The following RNF130 variants were observed in gnomAD, a reference collection of about 807,000 sequenced individuals.
The protein encoded by RNF130 is E3 ubiquitin-protein ligase RNF130.
Under a neutral mutation model 44.6 loss-of-function variants are expected in RNF130, and 21 were observed. That is an observed-to-expected ratio of 0.47 (90% CI 0.33 to 0.68). RNF130 has a LOEUF of 0.68. RNF130 is among the 30% of genes least tolerant of loss of function. The probability of loss-of-function intolerance (pLI) is 0.02; values close to 1 mark genes in which losing one functional copy is unlikely to be tolerated. For missense variants in RNF130, 479 were observed against 560.6 expected, an observed-to-expected ratio of 0.85 and a Z score of 1.47; for synonymous variants, 214 against 210.4, an observed-to-expected ratio of 1.02 and a Z score of -0.15.
chr5:180,035,814 T>C (rs965610976), intron 2 of RNF130, among the ~76,000 whole-genome samples: 4 of 152,234 alleles, frequency 2.6e-5, no homozygotes, highest in African/African-American at 9.6e-5. Context: ...TTTCCAAAAT[T>C]GTACTCTCCA....
At chr5:180,031,446 C>T (rs1289209312) in intron 2 of RNF130, among the ~76,000 whole-genome samples, 2 of 152,084 alleles carry the variant, frequency 1.3e-5, no homozygotes, top group East Asian at 3.9e-4. Flanking sequence ...AAGATCACAC[C>T]ACTGCACTCC....
intron 3 of RNF130, among the ~76,000 whole-genome samples, chr5:179,999,848 T>C (rs1763293513): frequency 6.6e-6 from 1 of 152,274 alleles, no homozygotes; most frequent in South Asian, 2.1e-4. Flanking sequence ...TCTGCTTACA[T>C]TCAAGGTTAT....
intron 2 of RNF130, among the ~76,000 whole-genome samples, chr5:180,034,711 G>A (rs963282845): frequency 1.3e-5 from 2 of 152,162 alleles, no homozygotes; most frequent in African/African-American, 4.8e-5. Flanking sequence ...TGGGAACATG[G>A]GTTTGGGGAG....
At chr5:180,018,979 T>G (rs1763807012) in intron 2 of RNF130, among the ~76,000 whole-genome samples, 1 of 152,174 alleles carries the variant, frequency 6.6e-6, no homozygotes, top group South Asian at 2.1e-4. Context: ...AGGAGAGAGG[T>G]GGCTTTACCA....
Position 179,977,602 on chromosome 5 carries a change from C to T in RNF130, c.848+601G>A, listed in dbSNP as rs1436982116. Among the ~76,000 whole-genome samples, 1 of 152,160 alleles carries T rather than the reference C, an allele frequency of 6.6e-6. No homozygotes were observed. The highest frequency in any genetic ancestry group is 2.4e-5 in the African/African-American group (1 of 41,430). On this transcript the variant is annotated intron_variant, in intron 5 of 8. Coordinates refer to ENST00000521389, the MANE Select transcript of RNF130 (RefSeq NM_018434.6). The surrounding 1 kb of genome is among the most constrained non-coding windows in gnomAD (Gnocchi z 4.1). ...GTGCGGTGGCTCACGCCTGTAATCC[C>T]AGGACTTTGGGAGGCTGAGGCAGGC...
chr5:179,973,960 T>G (rs745359121), intron 5 of RNF130, among the ~76,000 whole-genome samples: 23 of 152,086 alleles, frequency 1.5e-4, no homozygotes, highest in Non-Finnish European at 2.5e-4. Context: ...CCAGCAATCA[T>G]GAAATTCAGC....
At chr5:179,998,386 A>G (rs937145262) in intron 3 of RNF130, among the ~76,000 whole-genome samples, 2 of 152,184 alleles carry the variant, frequency 1.3e-5, no homozygotes, top group Non-Finnish European at 2.9e-5. Context: ...TACAATTCCA[A>G]AAGTTTCTAT....
chr5:179,955,478 A>G lies in RNF130; in HGVS notation c.*176T>C. 1 of 541,438 alleles carries G rather than the reference A, an allele frequency of 1.8e-6. No homozygotes were observed. Among genetic ancestry groups the G allele is most frequent in the Non-Finnish European group, 3.2e-6 (1 of 310,034 alleles). 33.5% of individuals were successfully genotyped at this position (541,438 alleles called of 1,614,324 possible). On this transcript the variant is annotated 3_prime_UTR_variant, in exon 9 of 9. Transcript: ENST00000521389. ...TGGTTAATAAGACTCAACAGCACAG[A>G]CTTTTTATTTTATTATTTATTTCTT...
At chr5:179,926,995 G>A (rs1561659762) in intron 7 of RNF130, among the ~76,000 whole-genome samples, 1 of 152,334 alleles carries the variant, frequency 6.6e-6, no homozygotes, top group South Asian at 2.1e-4. Flanking sequence ...TGTTGGTCAC[G>A]GAAGTCTTCT....
At chr5:179,947,695 T>C (rs1394518577) in intron 7 of RNF130, among the ~76,000 whole-genome samples, 3 of 152,242 alleles carry the variant, frequency 2.0e-5, no homozygotes, top group Non-Finnish European at 2.9e-5. Flanking sequence ...GGACCTAGCA[T>C]GCAGTTAAGC....
chr5:179,989,610 C>T (rs1441524240), intron 3 of RNF130, among the ~76,000 whole-genome samples: 1 of 152,028 alleles, frequency 6.6e-6, no homozygotes, highest in Non-Finnish European at 1.5e-5. Context: ...TTTTTCTCTA[C>T]CCCTTCACTT....
At chr5:179,953,598 C>T (rs1453971848), downstream of RNF130, among the ~76,000 whole-genome samples, 1 of 152,132 alleles carries the variant, frequency 6.6e-6, no homozygotes, top group Non-Finnish European at 1.5e-5. Context: ...GGTAACACCC[C>T]TACCTTACAC....
intron 1 of RNF130, among the ~76,000 whole-genome samples, chr5:180,048,987 C>T (rs1304252860): frequency 6.6e-6 from 1 of 152,224 alleles, no homozygotes; most frequent in Non-Finnish European, 1.5e-5. Flanking sequence ...AAGCATGTGG[C>T]TGCATGGAAG....
At chr5:180,059,836 C>T (rs771156589) in intron 1 of RNF130, among the ~76,000 whole-genome samples, 3 of 152,162 alleles carry the variant, frequency 2.0e-5, no homozygotes, top group African/African-American at 2.4e-5. Context: ...GGCAGAACGA[C>T]GGCTCCCTCA....
At chr5:180,056,686 T>G (rs78282770) in intron 1 of RNF130, among the ~76,000 whole-genome samples, 1 of 152,138 alleles carries the variant, frequency 6.6e-6, no homozygotes, top group South Asian at 2.1e-4. Context: ...GACACTCAAA[T>G]GTATTCCCAA....
At chr5:179,916,208 A>G (rs184364039) in exon 8 of RNF130, 1 of 152,232 alleles carries the variant, frequency 6.6e-6, no homozygotes, top group East Asian at 1.9e-4. Flanking sequence ...GTTAACGGCG[A>G]GAGAACACTT....
At position 179,968,250 on chromosome 5, in the gene RNF130, G is replaced by A. The variant is rs922643019; in HGVS notation, c.946-1240C>T. 7.9e-5 allele frequency among the ~76,000 whole-genome samples: 12 copies of A among 151,594 alleles called. No individual in the cohort carries two copies. The South Asian group carries it at 1.9e-3, about 24-fold the overall frequency. ...GCGGAGCTTGCGGTGAGCCGAGATC[G>A]CACCACTGCACTCCAGCCTGGGCGA... On this transcript the variant is annotated intron_variant, in intron 6 of 8. Coordinates refer to ENST00000521389, the MANE Select transcript of RNF130 (RefSeq NM_018434.6).
chr5:179,987,309 A>G (rs994229661), intron 3 of RNF130, among the ~76,000 whole-genome samples: 1 of 152,128 alleles, frequency 6.6e-6, no homozygotes, highest in African/African-American at 2.4e-5. Flanking sequence ...CTGGGACTAT[A>G]GGCACACACC....
At chr5:179,952,649 T>C (rs1334893860), downstream of RNF130, among the ~76,000 whole-genome samples, 2 of 152,204 alleles carry the variant, frequency 1.3e-5, no homozygotes, top group East Asian at 3.8e-4. Context: ...TTGTACATTA[T>C]GACCAAGTGG....
Sources: gnomAD v4.1 joint callset for allele counts (sites outside exome capture counted in the v4.1 genomes callset) on GRCh38, gnomAD v4.1.1 for gene constraint, Gnocchi (gnomAD v3.1) non-coding constraint, MANE v1.5 for transcripts, NCBI Gene and HGNC (gene_info 2026-07-23, HGNC 2026-07-21) for gene names.